Variants in RCN1 observed in about 807,000 individuals in gnomAD.
RCN1 encodes reticulocalbin-1.
Under a neutral mutation model 34.7 loss-of-function variants are expected in RCN1, and 14 were observed. That is an observed-to-expected ratio of 0.40 (90% CI 0.27 to 0.63). The LOEUF is 0.63. Among genes scored for constraint, RCN1 ranks in the 30% least tolerant of loss-of-function variants. The pLI is 0.37. For missense variants in RCN1, 326 were observed against 425.1 expected, an observed-to-expected ratio of 0.77 and a Z score of 2.05; for synonymous variants, 125 against 165.5, an observed-to-expected ratio of 0.76 and a Z score of 1.88.
chr11:32,097,842 A>G (rs543446608), intron 2 of RCN1, among the ~76,000 whole-genome samples: 1 of 152,260 alleles, frequency 6.6e-6, no homozygotes, highest in African/African-American at 2.4e-5. Flanking sequence ...TCCAAGACAA[A>G]CAAGATCGGG....
intron 1 of RCN1, among the ~76,000 whole-genome samples, chr11:32,094,454 G>A (rs1021892279): frequency 1.6e-4 from 25 of 152,102 alleles, no homozygotes; most frequent in African/African-American, 5.3e-4. Flanking sequence ...CAGCAGAGTC[G>A]GCCAGCCCTA....
chr11:32,101,122 A>ATGCTCATTT (rs1158878067), intron 4 of RCN1, among the ~76,000 whole-genome samples: 1 of 152,210 alleles, frequency 6.6e-6, no homozygotes. Context: ...GCCCAATAAT[A>ATGCTCATTT]TGCTCATTTT....
intron 1 of RCN1, 82 bp from the exon 2 acceptor site, chr11:32,097,062 G>A: frequency 8.6e-7 from 1 of 1,162,922 alleles, no homozygotes; most frequent in Non-Finnish European, 1.2e-6. Context: ...ATCTTTTGCT[G>A]GACCAGCATC....
At chr11:32,096,426 G>A (rs1851973642) in intron 1 of RCN1, 1 of 152,146 alleles carries the variant, frequency 6.6e-6, no homozygotes, top group South Asian at 2.1e-4. Flanking sequence ...AGCTGGTATA[G>A]GAGTCTTTAC....
intron 1 of RCN1, among the ~76,000 whole-genome samples, chr11:32,094,217 A>G (rs1021337667): frequency 1.3e-5 from 2 of 152,078 alleles, no homozygotes; most frequent in African/African-American, 4.8e-5. Flanking sequence ...GATCTAGGCA[A>G]CTTTGTCACC....
Position 32,103,954 on chromosome 11 carries a change from C to T in RCN1, c.889-411C>T, listed in dbSNP as rs1426730332. Among the ~76,000 whole-genome samples the T allele has an allele frequency of 2.6e-5, 4 of 152,198 alleles. No homozygotes were observed. The East Asian group carries it at 7.7e-4, about 29-fold the overall frequency. Reference sequence around the variant, plus strand: ...ATCTATTGATAAACATCCAAATAAACAAATCAATACATTTAGAAAAATGTC... The same window carrying T: ...ATCTATTGATAAACATCCAAATAAATAAATCAATACATTTAGAAAAATGTC... On this transcript the variant is annotated intron_variant, in intron 5 of 5. Transcript: ENST00000054950.
chr11:32,094,111 G>C (rs1851946893), intron 1 of RCN1, among the ~76,000 whole-genome samples: 1 of 152,152 alleles, frequency 6.6e-6, no homozygotes, highest in Non-Finnish European at 1.5e-5. Context: ...GGTCCTGTTT[G>C]GGATGGGGCT....
intron 4 of RCN1, among the ~76,000 whole-genome samples, chr11:32,101,311 C>T (rs972874722): frequency 6.6e-6 from 1 of 150,516 alleles, no homozygotes; most frequent in African/African-American, 2.4e-5. Flanking sequence ...TGATCCTCAC[C>T]ACCTGCTATG....
rs1216206727 is a variant in RCN1, at chr11:32,104,571, A to G, written c.*99A>G. 7 of 704,580 alleles carry G rather than the reference A, an allele frequency of 9.9e-6. No homozygotes were observed. Among genetic ancestry groups the G allele is most frequent in the South Asian group, 9.4e-5 (5 of 53,226 alleles). 43.6% of individuals were successfully genotyped at this position (704,580 alleles called of 1,614,324 possible). On this transcript the variant is annotated 3_prime_UTR_variant, in exon 6 of 6. Coordinates refer to ENST00000054950, the MANE Select transcript of RCN1 (RefSeq NM_002901.4). Reference sequence around the variant, plus strand: ...AATTTACAGCAGTTGTGATCCCACAAAAAGCAAGTTTATACCTCAGATTGG... The same window carrying G: ...AATTTACAGCAGTTGTGATCCCACAGAAAGCAAGTTTATACCTCAGATTGG...
At chr11:32,104,271 A>T in intron 5 of RCN1, 94 bp from the exon 6 acceptor site, 1 of 741,440 alleles carries the variant, frequency 1.3e-6, no homozygotes, top group Non-Finnish European at 2.3e-6. Context: ...ATAGTATTTT[A>T]AATGTTGTAC....
Position 32,104,473 on chromosome 11 carries a change from T to A in RCN1, c.*1T>A, listed in dbSNP as rs751273423. The A allele has an allele frequency of 5.1e-6, 7 of 1,381,156 alleles. No homozygotes were observed. Among genetic ancestry groups the A allele is most frequent in the Non-Finnish European group, 5.2e-6 (5 of 970,276 alleles). The allele number at this position is 1,381,156 out of a possible 1,614,324, so 85.6% of individuals were successfully genotyped here. ...CACAAAAAATCATGATGAGCTTTGA[T>A]AGACACTCACCAGAATATGGCAGAC... On this transcript the variant is annotated 3_prime_UTR_variant, in exon 6 of 6. Transcript: ENST00000054950.
intron 2 of RCN1, 43 bp from the exon 3 acceptor site, chr11:32,098,307 A>T (rs1851995518): frequency 6.4e-7 from 1 of 1,556,992 alleles, no homozygotes; most frequent in Admixed American, 1.9e-5. Context: ...GCCTTTCTTG[A>T]CCGCACGGTT....
chr11:32,101,594 C>A (rs1308951604), intron 4 of RCN1, among the ~76,000 whole-genome samples: 2 of 152,180 alleles, frequency 1.3e-5, no homozygotes, highest in African/African-American at 4.8e-5. Flanking sequence ...AGCAGACTTT[C>A]CTCTAATCAT....
intron 4 of RCN1, 48 bp from the exon 5 acceptor site, chr11:32,103,233 T>A (rs1852066090): frequency 1.3e-6 from 2 of 1,577,634 alleles, no homozygotes. Context: ...GTGGGGGAGG[T>A]TTACCTTCCC....
intron 1 of RCN1, among the ~76,000 whole-genome samples, chr11:32,095,194 A>G (rs1851959159): frequency 6.6e-6 from 1 of 151,752 alleles, no homozygotes; most frequent in Non-Finnish European, 1.5e-5. Context: ...GTGTCTGGCT[A>G]TGATTTCCTG....
At chr11:32,093,151 G>A (rs1851939478) in intron 1 of RCN1, among the ~76,000 whole-genome samples, 1 of 152,170 alleles carries the variant, frequency 6.6e-6, no homozygotes, top group South Asian at 2.1e-4. Flanking sequence ...ACTTTATAAG[G>A]TGTGGTCATG....
chr11:32,103,168 C>G, intron 4 of RCN1, 113 bp from the exon 5 acceptor site: 1 of 855,654 alleles, frequency 1.2e-6, no homozygotes, highest in Non-Finnish European at 1.9e-6. Context: ...AGTTAGGTCT[C>G]TGGATTGGTT....
Position 32,091,449 on chromosome 11 carries a change from G to A in RCN1, c.253G>A (p.Gly85Arg). The A allele has an allele frequency of 1.3e-6, 2 of 1,543,276 alleles. No homozygotes were observed. The highest frequency in any genetic ancestry group is 8.7e-7 in the Non-Finnish European group (1 of 1,143,824). ...CCCGGACGAGAGCAAGGAGAGGCTAGGGTGAGGCCGCGGCCAGGGCCCCGT... is the reference window on the plus strand; with the variant it reads ...CCCGGACGAGAGCAAGGAGAGGCTAAGGTGAGGCCGCGGCCAGGGCCCCGT... ...LTPDESKERL[G>R]KIVDRIDNDG... The change falls in exon 1 of 6, where the codon GGG (glycine) becomes AGG (arginine). Residue 85 changes from glycine to arginine, a missense_variant and splice_region_variant. Transcript: ENST00000054950.
intron 4 of RCN1, chr11:32,102,807 C>T (rs223061): frequency 0.7 from 227,177 of 325,690 alleles, 79,994 homozygotes; most frequent in East Asian, 0.96. Flanking sequence ...CTTTGTAAGG[C>T]TGTTATGTGA....
Sources: gnomAD v4.1 joint callset for allele counts (sites outside exome capture counted in the v4.1 genomes callset) on GRCh38, gnomAD v4.1.1 for gene constraint, MANE v1.5 for transcripts, NCBI Gene and HGNC (gene_info 2026-07-23, HGNC 2026-07-21) for gene names.